ARL13B: variants seen among roughly 807,000 people sequenced by gnomAD.
ARL13B encodes the protein ARF like GTPase 13B.
Under a neutral mutation model 56.1 loss-of-function variants are expected in ARL13B, and 36 were observed. The ratio of observed to expected loss-of-function variants is 0.64; its 90% CI spans 0.49 to 0.85. ARL13B has a LOEUF of 0.85. ARL13B is among the 40% of genes least tolerant of loss of function. The pLI is 0.00. For missense variants in ARL13B, 519 were observed against 507.1 expected, an observed-to-expected ratio of 1.02 and a Z score of -0.23; for synonymous variants, 178 against 171.1, an observed-to-expected ratio of 1.04 and a Z score of -0.32.
intron 1 of ARL13B, among the ~76,000 whole-genome samples, chr3:93,981,680 G>A (rs1710222417): frequency 6.6e-6 from 1 of 151,746 alleles, no homozygotes; most frequent in Non-Finnish European, 1.5e-5. Context: ...CCTGGAGTTC[G>A]AGACCAGCCT....
intron 3 of ARL13B, among the ~76,000 whole-genome samples, chr3:94,009,698 C>A (rs562806212): frequency 3.9e-5 from 6 of 152,168 alleles, no homozygotes; most frequent in East Asian, 1.9e-4. Flanking sequence ...CTTAAGATTT[C>A]TCTCCTTTCA....
At chr3:93,997,039 A>G (rs764558041) in intron 2 of ARL13B, among the ~76,000 whole-genome samples, 3 of 151,998 alleles carry the variant, frequency 2.0e-5, no homozygotes, top group Non-Finnish European at 4.4e-5. Context: ...ATGAGAATCT[A>G]ATGCCTAATG....
At chr3:94,048,496 C>G (rs1177101778) in intron 7 of ARL13B, among the ~76,000 whole-genome samples, 2 of 152,150 alleles carry the variant, frequency 1.3e-5, no homozygotes, top group African/African-American at 2.4e-5. Context: ...AGAACACATT[C>G]AATTCTGCTA....
intron 3 of ARL13B, among the ~76,000 whole-genome samples, chr3:94,029,351 T>A (rs945621926): frequency 8.7e-6 from 1 of 114,544 alleles, no homozygotes; most frequent in Non-Finnish European, 1.7e-5. Context: ...TTTTTTTTAT[T>A]TTTTTTTTTT....
intron 3 of ARL13B, chr3:94,028,718 A>G (rs1284647736): frequency 6.6e-6 from 1 of 152,222 alleles, no homozygotes; most frequent in Non-Finnish European, 1.5e-5. Context: ...CTGCCTACGT[A>G]GAGTATTTGG....
At chr3:94,028,429 AAT>A (rs1213168019) in intron 3 of ARL13B, 2 of 152,212 alleles carry the variant, frequency 1.3e-5, no homozygotes, top group African/African-American at 4.8e-5. Context: ...CCTTTGAGAG[AAT>A]ATCTGAATAT....
At chr3:94,014,440 C>A (rs868409743) in intron 3 of ARL13B, 1 of 1,593,994 alleles carries the variant, frequency 6.3e-7, no homozygotes, top group Middle Eastern at 1.7e-4. Context: ...GCAAGGATTT[C>A]TTTTTTTGTA....
intron 8 of ARL13B, among the ~76,000 whole-genome samples, chr3:94,050,285 G>A (rs956364126): frequency 2.6e-5 from 4 of 151,806 alleles, no homozygotes; most frequent in South Asian, 2.1e-4. Flanking sequence ...AAGTTGTTAC[G>A]AGGATTAAAT....
intron 5 of ARL13B, among the ~76,000 whole-genome samples, chr3:94,039,432 G>A (rs1336537198): frequency 6.6e-6 from 1 of 150,844 alleles, no homozygotes; most frequent in African/African-American, 2.4e-5. Context: ...CCCGGGAGGT[G>A]GAGCTTGCAG....
chr3:93,986,472 T>C (rs944457763), intron 1 of ARL13B, among the ~76,000 whole-genome samples: 9 of 152,236 alleles, frequency 5.9e-5, no homozygotes, highest in Admixed American at 5.2e-4. Flanking sequence ...AATTCTCACA[T>C]ATGTATCATA....
chr3:94,013,007 C>A (rs903149014), intron 3 of ARL13B, among the ~76,000 whole-genome samples: 1 of 152,184 alleles, frequency 6.6e-6, no homozygotes, highest in Non-Finnish European at 1.5e-5. Flanking sequence ...CAAAACCTTA[C>A]ATCTAGCCCT....
chr3:93,999,812 A>G (rs565066566), intron 2 of ARL13B, among the ~76,000 whole-genome samples: 112 of 152,320 alleles, frequency 7.4e-4, no homozygotes, highest in African/African-American at 2.6e-3. Context: ...ACAGAGACCT[A>G]AGATAACAGT....
At chr3:94,029,338 A>ATATATT (rs2076626952) in intron 3 of ARL13B, among the ~76,000 whole-genome samples, 13 of 59,020 alleles carry the variant, frequency 2.2e-4, no homozygotes, top group South Asian at 4.6e-4. Context: ...ATATATATTT[A>ATATATT]TTTTTTTTTT....
chr3:93,983,132 A>G (rs1710297611), intron 1 of ARL13B, among the ~76,000 whole-genome samples: 1 of 152,168 alleles, frequency 6.6e-6, no homozygotes, highest in Admixed American at 6.5e-5. Flanking sequence ...GATTTGTTTA[A>G]TACATTCTGT....
chr3:93,994,754 C>A (rs561869192), intron 1 of ARL13B, among the ~76,000 whole-genome samples: 1 of 151,448 alleles, frequency 6.6e-6, no homozygotes, highest in South Asian at 2.1e-4. Context: ...CATACTCTCA[C>A]CTCTGTCTTC....
intron 7 of ARL13B, among the ~76,000 whole-genome samples, chr3:94,045,952 A>C (rs2076975485): frequency 6.9e-6 from 1 of 143,926 alleles, no homozygotes; most frequent in South Asian, 2.2e-4. Flanking sequence ...CTCCATCACA[A>C]AAAAAAAAAA....
At position 94,039,992 on chromosome 3, in the gene ARL13B, T is replaced by C. The variant is rs1458854195; in HGVS notation, c.798+4T>C. 2 of 1,611,950 alleles carry C rather than the reference T, an allele frequency of 1.2e-6. No homozygotes were observed. Among genetic ancestry groups the C allele is most frequent in the East Asian group, 4.5e-5 (2 of 44,852 alleles). ...AATAGCATCTGTAATCATTGAGGTATGAATGATGGCAAATGTAATTTTTGT... is the reference window on the plus strand; with the variant it reads ...AATAGCATCTGTAATCATTGAGGTACGAATGATGGCAAATGTAATTTTTGT... On this transcript the variant is annotated splice_donor_region_variant and intron_variant, in intron 6 of 9. Transcript: ENST00000394222.
chr3:94,040,016 G>T (rs200856687), intron 6 of ARL13B, 28 bp downstream of exon 6: 2 of 1,593,798 alleles, frequency 1.3e-6, no homozygotes, highest in Non-Finnish European at 1.7e-6. Flanking sequence ...TGTAATTTTT[G>T]TATCTTAAGT....
chr3:94,041,265 C>A (rs2076857524), intron 6 of ARL13B, among the ~76,000 whole-genome samples: 1 of 151,674 alleles, frequency 6.6e-6, no homozygotes, highest in Admixed American at 6.6e-5. Flanking sequence ...TATTAATAAA[C>A]CTATTTATGT....
Sources: gnomAD v4.1 joint callset for allele counts (sites outside exome capture counted in the v4.1 genomes callset) on GRCh38, gnomAD v4.1.1 for gene constraint, MANE v1.5 for transcripts, NCBI Gene and HGNC (gene_info 2026-07-23, HGNC 2026-07-21) for gene names.